Variants in SPTLC3 observed in about 807,000 individuals in gnomAD.
The protein encoded by SPTLC3 is serine palmitoyltransferase 3.
Under a neutral mutation model 59.3 loss-of-function variants are expected in SPTLC3, and 36 were observed. That is an observed-to-expected ratio of 0.61 (90% CI 0.47 to 0.80). The LOEUF is 0.80. Among genes scored for constraint, SPTLC3 ranks in the 30% least tolerant of loss-of-function variants. SPTLC3 has a pLI of 0.00. For synonymous variants in SPTLC3, 257 were observed against 240.8 expected, an observed-to-expected ratio of 1.07 and a Z score of -0.62; for missense variants, 625 against 685.1, an observed-to-expected ratio of 0.91 and a Z score of 0.98.
chr20:13,071,851 A>G (rs904650481), intron 2 of SPTLC3, among the ~76,000 whole-genome samples: 1 of 152,178 alleles, frequency 6.6e-6, no homozygotes, highest in Non-Finnish European at 1.5e-5. Context: ...CGATAGTTCA[A>G]GTTCATCCCC....
chr20:13,010,594 C>G (rs1372271954), intron 1 of SPTLC3, among the ~76,000 whole-genome samples: 1 of 152,156 alleles, frequency 6.6e-6, no homozygotes, highest in African/African-American at 2.4e-5. Flanking sequence ...GATCTGAAAC[C>G]TGGAGCAATG....
In SPTLC3 at chr20:13,149,123, T is replaced by TA. The variant is rs1486418195; in HGVS notation, c.1280-4879dup. Reference sequence around the variant, plus strand: ...TCCAAAATATGACAAAATAAATACTTACGGAAACTCTCCAGAGGGCTACAT... The same window carrying TA: ...TCCAAAATATGACAAAATAAATACTTAACGGAAACTCTCCAGAGGGCTACAT... On this transcript the variant is annotated intron_variant, in intron 9 of 11. Coordinates refer to ENST00000399002, the MANE Select transcript of SPTLC3 (RefSeq NM_018327.4). Among the ~76,000 whole-genome samples the TA allele has an allele frequency of 2.0e-5, 3 of 152,324 alleles. No homozygotes were observed. In the East Asian group the frequency reaches 5.8e-4, roughly 29 times the overall value.
At chr20:13,109,733 G>A (rs8119970) in intron 6 of SPTLC3, among the ~76,000 whole-genome samples, 7,612 of 152,250 alleles carry the variant, frequency 0.05, 612 homozygotes, top group African/African-American at 0.17. Flanking sequence ...ATGTCTACAC[G>A]ATTGATGAGT....
intron 10 of SPTLC3, among the ~76,000 whole-genome samples, chr20:13,158,012 T>C (rs2038813424): frequency 6.6e-6 from 1 of 152,228 alleles, no homozygotes; most frequent in Non-Finnish European, 1.5e-5. Context: ...ACCACTGGAA[T>C]CTTCTATAGA....
intron 5 of SPTLC3, among the ~76,000 whole-genome samples, chr20:13,091,483 G>A (rs1989216396): frequency 6.6e-6 from 1 of 151,620 alleles, no homozygotes; most frequent in Admixed American, 6.6e-5. Flanking sequence ...TAAGGCAGGA[G>A]AATTGCTTGA....
chr20:13,099,380 G>A (rs1443174680), intron 6 of SPTLC3, among the ~76,000 whole-genome samples: 3 of 152,102 alleles, frequency 2.0e-5, no homozygotes, highest in Non-Finnish European at 2.9e-5. Flanking sequence ...TCACCCAGTC[G>A]AACCCATTTC....
intron 4 of SPTLC3, among the ~76,000 whole-genome samples, chr20:13,080,279 G>A (rs1416521980): frequency 6.6e-6 from 1 of 152,008 alleles, no homozygotes; most frequent in African/African-American, 2.4e-5. Context: ...GGAGGCCTAG[G>A]CAGGCGGATC....
At chr20:13,056,183 C>T (rs921633385) in intron 2 of SPTLC3, among the ~76,000 whole-genome samples, 23 of 152,294 alleles carry the variant, frequency 1.5e-4, no homozygotes, top group African/African-American at 5.3e-4. Flanking sequence ...AGGAGAAATG[C>T]ATTGCATTAA....
intron 1 of SPTLC3, among the ~76,000 whole-genome samples, chr20:13,026,020 C>T (rs528979428): frequency 6.6e-6 from 1 of 152,280 alleles, no homozygotes; most frequent in East Asian, 1.9e-4. Flanking sequence ...AGGATGATGG[C>T]CCCCACCTCC....
rs1399726814 is a variant in SPTLC3, at chr20:13,168,293, C to A, written c.*3426C>A. 1.3e-5 allele frequency: 2 copies of A among 151,822 alleles called. No homozygotes were observed. Among genetic ancestry groups the A allele is most frequent in the African/African-American group, 4.8e-5 (2 of 41,262 alleles). 9.4% of individuals were successfully genotyped at this position (151,822 alleles called of 1,614,324 possible). A position where few individuals can be genotyped will look rare whatever the true frequency, so the allele number is the denominator to read the frequency against. On this transcript the variant is annotated 3_prime_UTR_variant, in exon 12 of 12. Transcript: ENST00000399002. ...CCACCTCCCGGGTTCAAGCGATTCT[C>A]CTGCCTCAGCCTCCTGAGGAGCTGA...
chr20:13,095,872 C>T (rs1989394193), intron 6 of SPTLC3, among the ~76,000 whole-genome samples: 1 of 152,106 alleles, frequency 6.6e-6, no homozygotes, highest in African/African-American at 2.4e-5. Context: ...TCCAAGCCAA[C>T]ATTTATTAAG....
rs775821461 is a variant in SPTLC3, at chr20:13,027,637, GCACGCA to G, written c.117+18257_117+18262del. On this transcript the variant is annotated intron_variant, in intron 1 of 11. Coordinates refer to ENST00000399002, the MANE Select transcript of SPTLC3 (RefSeq NM_018327.4). ...CTCTGTTCTTCAGTAATCTATTTCA[GCACGCA>G]CACACACACACACACACACACACAC... Among the ~76,000 whole-genome samples the G allele has an allele frequency of 2.5e-3, 178 of 71,534 alleles. 1 individual carries two copies. Among genetic ancestry groups the G allele is most frequent in the African/African-American group, 6.8e-3 (169 of 24,672 alleles). 46.9% of individuals were successfully genotyped at this position (71,534 alleles called of 152,430 possible). A position where few individuals can be genotyped will look rare whatever the true frequency, so the allele number is the denominator to read the frequency against.
intron 5 of SPTLC3, among the ~76,000 whole-genome samples, chr20:13,092,172 G>A (rs772114357): frequency 2.0e-4 from 31 of 152,198 alleles, no homozygotes; most frequent in Non-Finnish European, 4.6e-4. Flanking sequence ...CACGAAGAGG[G>A]AACAGCATGT....
chr20:13,079,796 T>C (rs1988776460), intron 4 of SPTLC3: 2 of 468,996 alleles, frequency 4.3e-6, no homozygotes, highest in South Asian at 1.6e-5. Flanking sequence ...GGGAGGGGTC[T>C]TGCAAGCTGA....
At chr20:13,108,582 T>G (rs918551976) in intron 6 of SPTLC3, among the ~76,000 whole-genome samples, 8 of 152,214 alleles carry the variant, frequency 5.3e-5, no homozygotes, top group African/African-American at 1.9e-4. Flanking sequence ...TTTATCTTTT[T>G]TTTTCACTTT....
intron 2 of SPTLC3, among the ~76,000 whole-genome samples, chr20:13,054,402 C>A (rs929121838): frequency 6.6e-6 from 1 of 151,996 alleles, no homozygotes; most frequent in African/African-American, 2.4e-5. Context: ...TGCAGAAAGA[C>A]AACAGAGAGA....
intron 2 of SPTLC3, among the ~76,000 whole-genome samples, chr20:13,064,578 G>GT (rs1161334901): frequency 2.0e-5 from 3 of 152,192 alleles, no homozygotes; most frequent in African/African-American, 7.2e-5. Context: ...TACAGGCCAG[G>GT]TGTGAGCCAC....
At chr20:13,044,199 A>T (rs967581844) in intron 1 of SPTLC3, among the ~76,000 whole-genome samples, 6 of 151,244 alleles carry the variant, frequency 4.0e-5, no homozygotes, top group African/African-American at 1.2e-4. Flanking sequence ...TCCTGGGTTC[A>T]AGCAATTCCC....
intron 4 of SPTLC3, among the ~76,000 whole-genome samples, chr20:13,077,287 T>G (rs1988681882): frequency 6.7e-6 from 1 of 149,182 alleles, no homozygotes; most frequent in South Asian, 2.1e-4. Context: ...ATACAAATAA[T>G]ATTATTACTT....
Sources: allele counts gnomAD v4.1 joint callset (sites outside exome capture counted in the v4.1 genomes callset), GRCh38; gene constraint gnomAD v4.1.1; transcripts MANE v1.5; gene names NCBI Gene and HGNC (gene_info 2026-07-23, HGNC 2026-07-21).